Variants in DMXL1 observed in about 807,000 individuals in gnomAD.
DMXL1 encodes dmX-like protein 1.
In DMXL1, 99 loss-of-function variants were observed where a neutral mutation model predicts 319.2. The observed-to-expected ratio is 0.31, with a 90% CI of 0.26 to 0.37. The LOEUF (loss-of-function observed/expected upper bound fraction) is 0.37. Ranked by LOEUF, DMXL1 falls within the 10% of genes least tolerant of loss-of-function variation. The probability of loss-of-function intolerance (pLI) is 1.00; values close to 1 mark genes in which losing one functional copy is unlikely to be tolerated. For synonymous variants in DMXL1, 1,385 were observed against 1,235.2 expected, an observed-to-expected ratio of 1.12 and a Z score of -2.54; for missense variants, 3,745 against 3,595.6, an observed-to-expected ratio of 1.04 and a Z score of -1.06.
Position 119,166,665 on chromosome 5 carries a change from G to A in DMXL1, c.5020G>A (p.Asp1674Asn). 6.2e-7 allele frequency: 1 copy of A among 1,611,690 alleles called. No individual in the cohort carries two copies. The highest frequency in any genetic ancestry group is 1.3e-5 in the African/African-American group (1 of 74,888). The change falls in exon 22 of 44, where the codon GAT (aspartate) becomes AAT (asparagine). Residue 1674 changes from aspartate to asparagine, a missense_variant. Asp to Asn is a conservative substitution (Grantham distance 23, BLOSUM62 1). Coordinates refer to ENST00000539542, the MANE Select transcript of DMXL1 (RefSeq NM_001290321.3). ...MTQFFGHNFE[D>N]ERWRKAALKN... ...ACAGTTTTTTGGACACAATTTTGAG[G>A]ATGAGAGGTGGCGTAAAGCAGCTTT...
chr5:119,102,710 G>A (rs1289984161), intron 3 of DMXL1, among the ~76,000 whole-genome samples: 5 of 152,072 alleles, frequency 3.3e-5, no homozygotes, highest in African/African-American at 9.7e-5. Context: ...TGGGAGGATC[G>A]TTTGAGCCCA....
At chr5:119,176,526 A>G (rs1459862944) in intron 26 of DMXL1, among the ~76,000 whole-genome samples, 1 of 151,984 alleles carries the variant, frequency 6.6e-6, no homozygotes, top group African/African-American at 2.4e-5. Context: ...TATAGGAATG[A>G]GGGAGTTTTT....
chr5:119,231,701 C>T (rs577556524), intron 38 of DMXL1, among the ~76,000 whole-genome samples: 31 of 152,262 alleles, frequency 2.0e-4, no homozygotes, highest in African/African-American at 4.8e-4. Flanking sequence ...AAGGCTTCAC[C>T]GAGGTGGCAT....
At chr5:119,241,932 A>G (rs1405892356) in intron 42 of DMXL1, among the ~76,000 whole-genome samples, 2 of 152,238 alleles carry the variant, frequency 1.3e-5, no homozygotes, top group South Asian at 2.1e-4. Flanking sequence ...GTAGTACAGT[A>G]TGTACTATAA....
At position 119,223,298 on chromosome 5, in the gene DMXL1, G is replaced by C. The variant is rs559891593; in HGVS notation, c.8278-1411G>C. Among the ~76,000 whole-genome samples the C allele has an allele frequency of 7.9e-4, 120 of 152,088 alleles. 1 individual carries two copies. Among genetic ancestry groups the C allele is most frequent in the African/African-American group, 2.8e-3 (118 of 41,518 alleles). ...TCTTGAACTCCTGGCCTCAAGTGAT[G>C]CACCCAGCTTGGCCTCCCAAAATGC... On this transcript the variant is annotated intron_variant, in intron 37 of 43. Coordinates refer to ENST00000539542, the MANE Select transcript of DMXL1 (RefSeq NM_001290321.3).
intron 1 of DMXL1, among the ~76,000 whole-genome samples, chr5:119,084,399 C>A (rs987917621): frequency 6.6e-6 from 1 of 152,140 alleles, no homozygotes; most frequent in Non-Finnish European, 1.5e-5. Flanking sequence ...GGATTTCAGG[C>A]GTGAGCCACT....
At chr5:119,092,294 CT>C (rs1387408035) in intron 1 of DMXL1, among the ~76,000 whole-genome samples, 1 of 150,370 alleles carries the variant, frequency 6.7e-6, no homozygotes, top group Non-Finnish European at 1.5e-5. Flanking sequence ...AATTCTTTTT[CT>C]TTTTTTTTCA....
At chr5:119,120,863 G>T in intron 8 of DMXL1, 108 bp from the exon 9 acceptor site, 1 of 886,680 alleles carries the variant, frequency 1.1e-6, no homozygotes. Context: ...TATAAAACAT[G>T]TAAAATGTTC....
chr5:119,191,328 T>G (rs1778662402), intron 29 of DMXL1, among the ~76,000 whole-genome samples: 1 of 152,230 alleles, frequency 6.6e-6, no homozygotes, highest in South Asian at 2.1e-4. Context: ...CTGTAACTGT[T>G]CTCTGGTGAC....
chr5:119,211,754 A>G (rs950951237), intron 34 of DMXL1, among the ~76,000 whole-genome samples: 10 of 152,182 alleles, frequency 6.6e-5, no homozygotes, highest in Admixed American at 6.5e-4. Flanking sequence ...CAAGTACACA[A>G]CCTTATATTG....
chr5:119,122,132 G>A, intron 9 of DMXL1, among the ~76,000 whole-genome samples: 1 of 132,482 alleles, frequency 7.5e-6, no homozygotes, highest in East Asian at 2.2e-4. Context: ...TGGCCGGGCG[G>A]GGGGCTGACC....
At chr5:119,152,076 G>A in intron 19 of DMXL1, 40 bp downstream of exon 19, 5 of 1,389,190 alleles carry the variant, frequency 3.6e-6, no homozygotes, top group Non-Finnish European at 5.0e-6. Context: ...AATAAAGCGA[G>A]TAGAAAATGA....
intron 13 of DMXL1, among the ~76,000 whole-genome samples, chr5:119,139,502 C>A (rs192232257): frequency 6.6e-6 from 1 of 152,028 alleles, no homozygotes; most frequent in Admixed American, 6.6e-5. Context: ...AGACTCTGAA[C>A]CAACAAAGAT....
chr5:119,150,790 TAA>T (rs908009139), intron 18 of DMXL1, among the ~76,000 whole-genome samples: 1 of 146,908 alleles, frequency 6.8e-6, no homozygotes, highest in Admixed American at 6.8e-5. Context: ...CCCTGTCTCT[TAA>T]AAAAAAAAAT....
chr5:119,106,970 A>G (rs1758488129), intron 4 of DMXL1, among the ~76,000 whole-genome samples: 1 of 152,200 alleles, frequency 6.6e-6, no homozygotes, highest in Non-Finnish European at 1.5e-5. Flanking sequence ...TAAGGTATTA[A>G]TTGGATATGT....
intron 9 of DMXL1, 138 bp downstream of exon 9, chr5:119,121,277 T>C (rs1761987261): frequency 7.8e-6 from 5 of 641,056 alleles, no homozygotes; most frequent in Non-Finnish European, 1.2e-5. Flanking sequence ...TTTTTTCTTT[T>C]TTTTTAATTT....
chr5:119,161,108 A>T (rs1448205179), intron 19 of DMXL1, among the ~76,000 whole-genome samples: 1 of 152,198 alleles, frequency 6.6e-6, no homozygotes, highest in African/African-American at 2.4e-5. Context: ...ATAGAGCTTC[A>T]CTATTAAACC....
intron 9 of DMXL1, 108 bp from the exon 10 acceptor site, chr5:119,129,103 C>A (rs1402973822): frequency 5.6e-6 from 4 of 718,066 alleles, no homozygotes; most frequent in Non-Finnish European, 8.9e-6. Context: ...AAGAGAAGGA[C>A]TTTCAGGCAA....
At position 119,170,939 on chromosome 5, in the gene DMXL1, A is replaced by G. The variant is rs1774419414; in HGVS notation, c.6148A>G (p.Ile2050Val). ...ELRTLSTGYE[I>V]DGGKLRYQLY... ...TCGTACTTTATCTACTGGCTATGAAATAGATGGTGGAAAATTGCGTTACCA... is the reference window on the plus strand; with the variant it reads ...TCGTACTTTATCTACTGGCTATGAAGTAGATGGTGGAAAATTGCGTTACCA... The change falls in exon 24 of 44, where the codon ATA becomes GTA. Residue 2050 changes from isoleucine (I) to valine (V), a missense_variant. Around this residue, in one of 4 missense-constraint regions of DMXL1, gnomAD observed 1,382 missense variants for 1,269.5 expected, o/e 1.09. Transcript: ENST00000539542. 1.5e-5 allele frequency: 24 copies of G among 1,613,738 alleles called. No individual in the cohort carries two copies. Among genetic ancestry groups the G allele is most frequent in the Non-Finnish European group, 2.0e-5 (24 of 1,179,892 alleles).
Sources: gnomAD v4.1 joint callset for allele counts (sites outside exome capture counted in the v4.1 genomes callset) on GRCh38, gnomAD v4.1.1 for gene constraint, gnomAD v4.1.1 regional missense constraint, MANE v1.5 for transcripts, NCBI Gene and HGNC (gene_info 2026-07-23, HGNC 2026-07-21) for gene names.